The following CHRNB3 variants were observed in gnomAD, a reference collection of about 807,000 sequenced individuals.
CHRNB3 encodes cholinergic receptor nicotinic beta 3 subunit, also known as neuronal acetylcholine receptor subunit beta-3.
Under a neutral mutation model 40.6 loss-of-function variants are expected in CHRNB3, and 37 were observed. That is an observed-to-expected ratio of 0.91 (90% CI 0.70 to 1.20). CHRNB3 has a LOEUF of 1.20. CHRNB3 is among the 50% of genes most tolerant of loss of function. CHRNB3 has a pLI of 0.00. For synonymous variants in CHRNB3, 207 were observed against 207.1 expected (o/e 1.00, Z 0.00); for missense variants, 505 against 551.2 (o/e 0.92, Z 0.84).
At chr8:42,713,555 A>G (rs1002152920) in intron 3 of CHRNB3, among the ~76,000 whole-genome samples, 1 of 152,178 alleles carries the variant, frequency 6.6e-6, no homozygotes, top group African/African-American at 2.4e-5. Flanking sequence ...TATGTAAGGT[A>G]CAAGTGCAGT....
rs1448470218 is a variant in CHRNB3 at position 42,697,402 on chromosome 8, T to C, written c.-145T>C. On this transcript the variant is annotated 5_prime_UTR_variant, in exon 1 of 6. Coordinates refer to ENST00000289957, the MANE Select transcript of CHRNB3 (RefSeq NM_000749.5). The stretch of plus-strand genomic sequence containing the variant: ...CACTCGGCGAGAGGGGTTGAGATTG[T>C]TTTATTCCACTCCAGGTGTTGCTGT... 1.5e-6 allele frequency: 1 copy of C among 655,736 alleles called. No individual in the cohort carries two copies. Among genetic ancestry groups the C allele is most frequent in the African/African-American group, 1.8e-5 (1 of 55,392 alleles). 40.6% of individuals were successfully genotyped at this position (655,736 alleles called of 1,614,324 possible). A position where few individuals can be genotyped will look rare whatever the true frequency, so the allele number is the denominator to read the frequency against.
intron 1 of CHRNB3, among the ~76,000 whole-genome samples, chr8:42,698,436 A>C (rs1815717127): frequency 6.6e-6 from 1 of 152,222 alleles, no homozygotes; most frequent in Non-Finnish European, 1.5e-5. Flanking sequence ...ATTTCTCAGT[A>C]GTATTTTTGC....
At chr8:42,703,435 A>AAATATAT in intron 1 of CHRNB3, among the ~76,000 whole-genome samples, 1 of 47,400 alleles carries the variant, frequency 2.1e-5, no homozygotes, top group Non-Finnish European at 4.6e-5. Flanking sequence ...AAAAAAAAAA[A>AAATATAT]ATATTTATAT....
In CHRNB3 at chr8:42,710,387, T is replaced by A; in HGVS notation, c.205-3T>A. The A allele has an allele frequency of 6.3e-7, 1 of 1,599,286 alleles. No homozygotes were observed. The highest frequency in any genetic ancestry group is 8.5e-7 in the Non-Finnish European group (1 of 1,171,930). On this transcript the variant is annotated splice_region_variant and splice_polypyrimidine_tract_variant and intron_variant, in intron 2 of 5. Transcript: ENST00000289957. ...AGTATTTTTTAAATTTTCATTTTCT[T>A]AGGATGAAAAGAATCAGCTGATGAC...
intron 3 of CHRNB3, 89 bp downstream of exon 3, chr8:42,710,523 A>G (rs1815997408): frequency 9.6e-7 from 1 of 1,037,302 alleles, no homozygotes; most frequent in African/African-American, 1.6e-5. Context: ...ATTATTTAAG[A>G]GGGCATATTG....
At position 42,703,435 on chromosome 8, in the gene CHRNB3, A is replaced by AAAAAAAAAAAATAT; in HGVS notation, c.53-5281_53-5280insAAAAAAAAAATATA. On this transcript the variant is annotated intron_variant, in intron 1 of 5. Transcript: ENST00000289957. The stretch of plus-strand genomic sequence containing the variant: ...CAAGACTTCGTCTAAAAAAAAAAAA[A>AAAAAAAAAAAATAT]ATATTTATATATATATATATATATA... Among the ~76,000 whole-genome samples the AAAAAAAAAAAATAT allele has an allele frequency of 2.7e-4, 13 of 47,408 alleles. 2 individuals carry two copies. The highest frequency in any genetic ancestry group is 4.2e-4 in the Non-Finnish European group (9 of 21,532). 31.1% of individuals were successfully genotyped at this position (47,408 alleles called of 152,430 possible).
At chr8:42,720,710 T>C (rs1013739800) in intron 3 of CHRNB3, among the ~76,000 whole-genome samples, 5 of 152,224 alleles carry the variant, frequency 3.3e-5, no homozygotes, top group Non-Finnish European at 7.3e-5. Context: ...TGGTCACAGC[T>C]GTTAATCCTG....
intron 3 of CHRNB3, among the ~76,000 whole-genome samples, chr8:42,722,470 T>C (rs1302638846): frequency 6.6e-6 from 1 of 152,172 alleles, no homozygotes; most frequent in Non-Finnish European, 1.5e-5. Flanking sequence ...CTGTGGCGCA[T>C]TCCTCATCTC....
intron 3 of CHRNB3, among the ~76,000 whole-genome samples, chr8:42,718,083 G>GCCT (rs1047653382): frequency 6.6e-6 from 1 of 151,814 alleles, no homozygotes; most frequent in Non-Finnish European, 1.5e-5. Flanking sequence ...GCCTACCTGG[G>GCCT]CCTCCAAAAG....
intron 3 of CHRNB3, 140 bp downstream of exon 3, chr8:42,710,574 A>C (rs1815998287): frequency 2.9e-6 from 2 of 679,360 alleles, no homozygotes; most frequent in South Asian, 4.0e-5. Flanking sequence ...TATGGCTTTT[A>C]TTTTCTGTTG....
chr8:42,734,910 C>T, intron 5 of CHRNB3, among the ~76,000 whole-genome samples: 1 of 151,884 alleles, frequency 6.6e-6, no homozygotes, highest in Non-Finnish European at 1.5e-5. Context: ...TTGTTTGTTT[C>T]TTAACATCTT....
chr8:42,711,554 C>A (rs538291013), intron 3 of CHRNB3, among the ~76,000 whole-genome samples: 3 of 151,934 alleles, frequency 2.0e-5, no homozygotes, highest in South Asian at 4.2e-4. Context: ...GCCACCACGC[C>A]CAGCTGATTT....
At chr8:42,701,244 A>AAAAAAAAAAG in intron 1 of CHRNB3, among the ~76,000 whole-genome samples, 1 of 150,418 alleles carries the variant, frequency 6.6e-6, no homozygotes, top group Non-Finnish European at 1.5e-5. Flanking sequence ...AAAAAAAAAA[A>AAAAAAAAAAG]AGAATAAAGA....
chr8:42,736,075 A>C (rs1816518393), intron 5 of CHRNB3, among the ~76,000 whole-genome samples: 1 of 152,060 alleles, frequency 6.6e-6, no homozygotes, highest in South Asian at 2.1e-4. Flanking sequence ...CATGTTGGCC[A>C]GCTCGTCTCG....
chr8:42,731,232 A>G (rs1456928012), intron 4 of CHRNB3, among the ~76,000 whole-genome samples: 1 of 152,126 alleles, frequency 6.6e-6, no homozygotes, highest in Non-Finnish European at 1.5e-5. Flanking sequence ...ATTGTTTATT[A>G]AAACAGTTAC....
At chr8:42,726,212 T>C in intron 3 of CHRNB3, 1 of 867,422 alleles carries the variant, frequency 1.2e-6, no homozygotes, top group African/African-American at 1.7e-5. Flanking sequence ...GATTTATCTT[T>C]GCTCTTGCTC....
At chr8:42,722,801 G>A (rs1816241549) in intron 3 of CHRNB3, among the ~76,000 whole-genome samples, 1 of 152,074 alleles carries the variant, frequency 6.6e-6, no homozygotes, top group Non-Finnish European at 1.5e-5. Context: ...CTCTTGGGCT[G>A]AAGCGACCCA....
chr8:42,703,445 T>A lies in CHRNB3; in HGVS notation c.53-5272T>A, dbSNP rs1264728960. 8.1e-3 allele frequency among the ~76,000 whole-genome samples: 629 copies of A among 77,950 alleles called. 47 individuals carry two copies. The highest frequency in any genetic ancestry group is 0.016 in the Middle Eastern group (2 of 122). 51.1% of individuals were successfully genotyped at this position (77,950 alleles called of 152,430 possible). A position where few individuals can be genotyped will look rare whatever the true frequency, so the allele number is the denominator to read the frequency against. On this transcript the variant is annotated intron_variant, in intron 1 of 5. Transcript: ENST00000289957. ...TCTAAAAAAAAAAAAAATATTTATA[T>A]ATATATATATATATATGTATCCACA...
chr8:42,713,176 T>A (rs771896822), intron 3 of CHRNB3, among the ~76,000 whole-genome samples: 1 of 151,940 alleles, frequency 6.6e-6, no homozygotes, highest in Non-Finnish European at 1.5e-5. Context: ...AAAGCAGGGG[T>A]CCAGGGACTC....
Sources: allele counts gnomAD v4.1 joint callset (sites outside exome capture counted in the v4.1 genomes callset), GRCh38; gene constraint gnomAD v4.1.1; transcripts MANE v1.5; gene names NCBI Gene and HGNC (gene_info 2026-07-23, HGNC 2026-07-21).